The following ZNF536 variants were observed in gnomAD, a reference collection of about 807,000 sequenced individuals.
ZNF536 encodes zinc finger protein 536.
In ZNF536, 13 loss-of-function variants were observed where a neutral mutation model predicts 84.5. That is an observed-to-expected ratio of 0.15 (90% CI 0.10 to 0.24). The LOEUF is 0.24. Ranked by LOEUF, ZNF536 falls within the 10% of genes least tolerant of loss-of-function variation. The pLI is 1.00. For missense variants in ZNF536, 1,536 were observed against 1,747.5 expected, an observed-to-expected ratio of 0.88 and a Z score of 2.16; for synonymous variants, 811 against 742.5, an observed-to-expected ratio of 1.09 and a Z score of -1.50.
chr19:30,464,244 G>C (rs567007659), intron 2 of ZNF536, among the ~76,000 whole-genome samples: 2 of 152,174 alleles, frequency 1.3e-5, no homozygotes, highest in Admixed American at 6.5e-5. Context: ...GGCCTGGGGC[G>C]ATGGGGGTGG....
chr19:30,650,286 C>T (rs1373103076), intron 1 of ZNF536, among the ~76,000 whole-genome samples: 1 of 152,144 alleles, frequency 6.6e-6, no homozygotes. Flanking sequence ...GCCCTGACCC[C>T]GTTTGAAAGT....
intron 1 of ZNF536, among the ~76,000 whole-genome samples, chr19:30,647,463 T>C (rs1265572027): frequency 6.6e-6 from 1 of 152,232 alleles, no homozygotes; most frequent in Admixed American, 6.5e-5. Flanking sequence ...TATCAGTCCT[T>C]AGACACTCTA....
chr19:30,407,880 TTC>T (rs1482013987), intron 1 of ZNF536, among the ~76,000 whole-genome samples: 12 of 152,310 alleles, frequency 7.9e-5, no homozygotes, highest in African/African-American at 2.2e-4. Context: ...GTTTCCAATT[TTC>T]TTTTTCTCTC....
At chr19:30,532,574 C>A (rs2044883227) in intron 2 of ZNF536, among the ~76,000 whole-genome samples, 1 of 152,000 alleles carries the variant, frequency 6.6e-6, no homozygotes, top group Non-Finnish European at 1.5e-5. Flanking sequence ...TTGCCAGGAG[C>A]ACTTGGGCAG....
chr19:30,602,053 A>G (rs2047706522), intron 1 of ZNF536, among the ~76,000 whole-genome samples: 1 of 152,222 alleles, frequency 6.6e-6, no homozygotes, highest in African/African-American at 2.4e-5. Flanking sequence ...CACACTGCAA[A>G]CTTCTGCTGA....
At chr19:30,621,258 T>C (rs188962746) in intron 1 of ZNF536, among the ~76,000 whole-genome samples, 5 of 152,158 alleles carry the variant, frequency 3.3e-5, no homozygotes, top group Middle Eastern at 3.4e-3. Flanking sequence ...AGACTTTTTT[T>C]CCCCTTTTAA....
At chr19:30,481,725 T>C (rs1005284293) in intron 2 of ZNF536, among the ~76,000 whole-genome samples, 2 of 152,176 alleles carry the variant, frequency 1.3e-5, no homozygotes, top group African/African-American at 4.8e-5. Context: ...TTTGGTAACA[T>C]GGGTAAGTTG....
At chr19:30,530,461 C>A (rs906109894) in intron 2 of ZNF536, among the ~76,000 whole-genome samples, 1 of 152,104 alleles carries the variant, frequency 6.6e-6, no homozygotes, top group Non-Finnish European at 1.5e-5. Flanking sequence ...ATTCTCCTGC[C>A]TCAGTCTCCC....
chr19:30,581,502 A>C (rs2046920243), intron 1 of ZNF536, among the ~76,000 whole-genome samples: 1 of 151,960 alleles, frequency 6.6e-6, no homozygotes, highest in African/African-American at 2.4e-5. Flanking sequence ...AAAAAGTTAC[A>C]GTTGCTTGTG....
At chr19:30,630,988 G>A (rs1406908181) in intron 1 of ZNF536, among the ~76,000 whole-genome samples, 2 of 152,224 alleles carry the variant, frequency 1.3e-5, no homozygotes, top group Admixed American at 6.5e-5. Context: ...CTCGCTCCTA[G>A]ATCAAGCCCC....
intron 2 of ZNF536, among the ~76,000 whole-genome samples, chr19:30,499,476 G>T (rs904750834): frequency 6.6e-6 from 1 of 151,976 alleles, no homozygotes; most frequent in Non-Finnish European, 1.5e-5. Flanking sequence ...GTGTATGTAG[G>T]TATCTATATG....
intron 1 of ZNF536, among the ~76,000 whole-genome samples, chr19:30,585,660 A>T (rs1328352107): frequency 1.3e-5 from 2 of 152,072 alleles, no homozygotes; most frequent in Non-Finnish European, 2.9e-5. Flanking sequence ...GCCCCAGCCA[A>T]CCATAAGCCT....
intron 1 of ZNF536, among the ~76,000 whole-genome samples, chr19:30,690,739 G>T (rs183737549): frequency 6.6e-6 from 1 of 152,000 alleles, no homozygotes; most frequent in Non-Finnish European, 1.5e-5. Context: ...CAGTTTTCCC[G>T]TCTGTAAAAT....
At chr19:30,339,938 C>G (rs1179561938) in intron 2 of ZNF536, among the ~76,000 whole-genome samples, 1 of 152,136 alleles carries the variant, frequency 6.6e-6, no homozygotes, top group East Asian at 1.9e-4. Context: ...GGGTATCCTG[C>G]AAGGGTGAGC....
At chr19:30,247,631 C>G (rs1471681887) in intron 1 of ZNF536, among the ~76,000 whole-genome samples, 1 of 152,028 alleles carries the variant, frequency 6.6e-6, no homozygotes, top group Non-Finnish European at 1.5e-5. Flanking sequence ...AGTTCAAGGC[C>G]AGCCTGGGCA....
Position 30,289,895 on chromosome 19 carries a change from C to A in ZNF536, c.-120+5754C>A, listed in dbSNP as rs940029219. On this transcript the variant is annotated intron_variant, in intron 2 of 5. Coordinates refer to the ZNF536 transcript ENST00000585628. ...GCGATAAAATACACATAATATAAAA[C>A]TTACTATCTTGACCATTTTAAAGTT... 1.3e-5 allele frequency among the ~76,000 whole-genome samples: 2 copies of A among 152,124 alleles called. 1 individual carries two copies. Among genetic ancestry groups the A allele is most frequent in the South Asian group, 4.1e-4 (2 of 4,832 alleles).
At chr19:30,519,531 G>A (rs567349092) in intron 2 of ZNF536, among the ~76,000 whole-genome samples, 4 of 152,292 alleles carry the variant, frequency 2.6e-5, no homozygotes, top group African/African-American at 9.6e-5. Flanking sequence ...TGGAGCCCTG[G>A]GATACCAGAC....
intron 2 of ZNF536, among the ~76,000 whole-genome samples, chr19:30,473,872 C>T (rs1428063811): frequency 6.6e-6 from 1 of 152,214 alleles, no homozygotes; most frequent in African/African-American, 2.4e-5. Context: ...TGACCAGGGT[C>T]CAGATCTCAG....
intron 1 of ZNF536, among the ~76,000 whole-genome samples, chr19:30,656,449 C>A (rs980054298): frequency 6.6e-6 from 1 of 152,174 alleles, no homozygotes; most frequent in African/African-American, 2.4e-5. Flanking sequence ...GCACGTTGCA[C>A]CATCTCTACC....
Sources: allele counts gnomAD v4.1 joint callset (sites outside exome capture counted in the v4.1 genomes callset), GRCh38; gene constraint gnomAD v4.1.1; transcripts MANE v1.5; gene names NCBI Gene and HGNC (gene_info 2026-07-23, HGNC 2026-07-21).